DLC1: variants seen among roughly 807,000 people sequenced by gnomAD.
DLC1 encodes DLC1 Rho GTPase activating protein, also known as rho GTPase-activating protein 7.
DLC1 carries 54 observed loss-of-function variants against 140.3 expected under a neutral mutation model. The observed-to-expected ratio is 0.38, with a 90% CI of 0.31 to 0.48. The LOEUF (loss-of-function observed/expected upper bound fraction) is 0.48. Ranked by LOEUF, DLC1 falls within the 20% of genes least tolerant of loss-of-function variation. DLC1 has a pLI of 0.96. For synonymous variants in DLC1, 986 were observed against 728.1 expected (o/e 1.35, Z -5.70); for missense variants, 2,536 against 1,907.0 (o/e 1.33, Z -6.14).
intron 1 of DLC1, among the ~76,000 whole-genome samples, chr8:13,583,040 C>G (rs888496602): frequency 1.3e-5 from 2 of 151,560 alleles, no homozygotes; most frequent in Non-Finnish European, 2.9e-5. Flanking sequence ...GGTGGAGGGT[C>G]CTGCCTTGAT....
intron 2 of DLC1, among the ~76,000 whole-genome samples, chr8:13,466,057 C>A (rs999622800): frequency 6.6e-6 from 1 of 152,190 alleles, no homozygotes; most frequent in Non-Finnish European, 1.5e-5. Context: ...CCACTGATGT[C>A]CTCACTGGGC....
intron 4 of DLC1, among the ~76,000 whole-genome samples, chr8:13,317,849 C>T (rs1357397502): frequency 2.6e-5 from 4 of 152,056 alleles, no homozygotes; most frequent in Admixed American, 1.3e-4. Flanking sequence ...AGTTATAGTC[C>T]TCAAAGTGGC....
intron 1 of DLC1, among the ~76,000 whole-genome samples, chr8:13,523,175 A>C (rs555934725): frequency 2.0e-5 from 3 of 152,270 alleles, no homozygotes; most frequent in Admixed American, 6.5e-5. Context: ...AAGTAGGGAG[A>C]CCAGGTCACT....
chr8:13,410,801 A>G (rs1837748893), intron 2 of DLC1, among the ~76,000 whole-genome samples: 1 of 152,202 alleles, frequency 6.6e-6, no homozygotes, highest in Non-Finnish European at 1.5e-5. Context: ...TCAGCCCCAC[A>G]AGGGTAATCA....
chr8:13,575,787 T>C (rs1201066411), intron 1 of DLC1, among the ~76,000 whole-genome samples: 2 of 152,190 alleles, frequency 1.3e-5, no homozygotes, highest in African/African-American at 4.8e-5. Context: ...GCATTGTGTA[T>C]TTTGAGAAGT....
intron 2 of DLC1, among the ~76,000 whole-genome samples, chr8:13,450,213 G>T (rs935630606): frequency 6.9e-6 from 1 of 144,776 alleles, no homozygotes; most frequent in Non-Finnish European, 1.6e-5. Context: ...ACAGCACTTT[G>T]GGGGGCTGAG....
At chr8:13,556,474 T>C (rs1237900634) in intron 1 of DLC1, among the ~76,000 whole-genome samples, 1 of 152,208 alleles carries the variant, frequency 6.6e-6, no homozygotes, top group African/African-American at 2.4e-5. Context: ...AAAATTTGAA[T>C]ACCCGGCAGG....
intron 7 of DLC1, among the ~76,000 whole-genome samples, chr8:13,104,441 C>G (rs1819383613): frequency 1.3e-5 from 2 of 151,414 alleles, no homozygotes; most frequent in Admixed American, 1.3e-4. Context: ...ACGGTATGTA[C>G]AACTATGAAT....
At chr8:13,346,999 G>C (rs1834369885) in intron 4 of DLC1, among the ~76,000 whole-genome samples, 1 of 152,120 alleles carries the variant, frequency 6.6e-6, no homozygotes, top group Admixed American at 6.5e-5. Flanking sequence ...ACAGCATCTT[G>C]TTATAATTGT....
chr8:13,588,124 G>C (rs1461835652), intron 1 of DLC1, among the ~76,000 whole-genome samples: 1 of 152,038 alleles, frequency 6.6e-6, no homozygotes, highest in Non-Finnish European at 1.5e-5. Flanking sequence ...CAGTCTGCAA[G>C]GATTCATGGT....
chr8:13,095,301 T>C (rs1421876732), intron 10 of DLC1, 56 bp from the exon 11 acceptor site: 33 of 1,606,126 alleles, frequency 2.1e-5, no homozygotes, highest in Non-Finnish European at 2.6e-5. Flanking sequence ...CTTGTCTGTC[T>C]ACACTTGTCC....
chr8:13,269,460 C>T (rs974616164), intron 5 of DLC1, among the ~76,000 whole-genome samples: 2 of 152,082 alleles, frequency 1.3e-5, no homozygotes, highest in Non-Finnish European at 2.9e-5. Flanking sequence ...AAGCTGGGCA[C>T]AGTGGCTTGT....
At chr8:13,482,292 T>C (rs952090293) in intron 2 of DLC1, among the ~76,000 whole-genome samples, 2 of 152,210 alleles carry the variant, frequency 1.3e-5, no homozygotes, top group Non-Finnish European at 2.9e-5. Flanking sequence ...ATATATCTAA[T>C]GCACAGATTG....
intron 1 of DLC1, among the ~76,000 whole-genome samples, chr8:13,534,351 C>CT: frequency 6.6e-6 from 1 of 152,080 alleles, no homozygotes. Context: ...TTGTATTTTT[C>CT]TTTTTTCCAC....
At chr8:13,296,678 T>C (rs561070268) in intron 5 of DLC1, among the ~76,000 whole-genome samples, 83 of 152,148 alleles carry the variant, frequency 5.5e-4, no homozygotes, top group African/African-American at 1.8e-3. Flanking sequence ...AGATATCACA[T>C]GGCATGCGGG....
intron 1 of DLC1, chr8:13,567,881 T>TTGAGGA: frequency 8.4e-6 from 13 of 1,551,984 alleles, no homozygotes; most frequent in Non-Finnish European, 1.0e-5. Context: ...CATTTACCAT[T>TTGAGGA]TTCTCTGCCA....
In DLC1 at chr8:13,208,521, A is replaced by G. The variant is rs374677937; in HGVS notation, c.1349-92864T>C. Among the ~76,000 whole-genome samples the G allele has an allele frequency of 2.0e-4, 30 of 152,302 alleles. No individual in the cohort carries two copies. In the East Asian group the frequency reaches 2.7e-3, roughly 14 times the overall value. On this transcript the variant is annotated intron_variant, in intron 5 of 17. Transcript: ENST00000276297. Reference sequence around the variant, plus strand: ...CACAATATCAGTTTTAAAGGCTGCTACAATTAGTCTTCCTTTCTTTGGTGC... The same window carrying G: ...CACAATATCAGTTTTAAAGGCTGCTGCAATTAGTCTTCCTTTCTTTGGTGC...
chr8:13,322,297 A>G (rs1833156979), intron 4 of DLC1, among the ~76,000 whole-genome samples: 4 of 152,206 alleles, frequency 2.6e-5, no homozygotes, highest in African/African-American at 7.2e-5. Context: ...AAAATAAACA[A>G]ATAATATCAT....
chr8:13,416,402 A>C (rs1838059959), intron 2 of DLC1, among the ~76,000 whole-genome samples: 2 of 152,230 alleles, frequency 1.3e-5, no homozygotes, highest in African/African-American at 4.8e-5. Flanking sequence ...AAAAACATAT[A>C]AAACATGCAT....
Sources: allele counts gnomAD v4.1 joint callset (sites outside exome capture counted in the v4.1 genomes callset), GRCh38; gene constraint gnomAD v4.1.1; transcripts MANE v1.5; gene names NCBI Gene and HGNC (gene_info 2026-07-23, HGNC 2026-07-21).